Variants in GNPAT observed in about 807,000 individuals in gnomAD.
The protein encoded by GNPAT is dihydroxyacetone phosphate acyltransferase.
A neutral mutation model predicts 78.4 loss-of-function variants in GNPAT; 30 were observed. That is an observed-to-expected ratio of 0.38 (90% confidence interval 0.29 to 0.52). GNPAT has a LOEUF of 0.52. Ranked by LOEUF, GNPAT falls within the 20% of genes least tolerant of loss-of-function variation. The probability of loss-of-function intolerance (pLI) is 0.84; values close to 1 mark genes in which losing one functional copy is unlikely to be tolerated. For synonymous variants in GNPAT, 271 were observed against 281.1 expected (o/e 0.96, Z 0.36); for missense variants, 714 against 812.2 (o/e 0.88, Z 1.47).
chr1:231,274,976 G>GA, intron 12 of GNPAT: 1 of 435,124 alleles, frequency 2.3e-6, no homozygotes. Context: ...CTTGAAGTGA[G>GA]AAATTATACT....
intron 1 of GNPAT, among the ~76,000 whole-genome samples, chr1:231,242,705 T>G (rs989994211): frequency 1.3e-5 from 2 of 152,240 alleles, no homozygotes; most frequent in South Asian, 2.1e-4. Context: ...GTTTGTGAAT[T>G]GGTTGGAATT....
intron 3 of GNPAT, 84 bp from the exon 4 acceptor site, chr1:231,262,639 A>G (rs1019301484): frequency 1.0e-5 from 11 of 1,086,364 alleles, no homozygotes; most frequent in African/African-American, 3.1e-5. Flanking sequence ...CTAAATATAG[A>G]CTTATTCTTC....
chr1:231,261,899 T>C (rs1344678098), intron 3 of GNPAT, among the ~76,000 whole-genome samples: 1 of 152,234 alleles, frequency 6.6e-6, no homozygotes, highest in African/African-American at 2.4e-5. Flanking sequence ...AAATATTTCT[T>C]CTTCCTACTG....
chr1:231,267,143 A>G (rs762306766), intron 8 of GNPAT, among the ~76,000 whole-genome samples: 3 of 152,216 alleles, frequency 2.0e-5, no homozygotes, highest in Non-Finnish European at 4.4e-5. Flanking sequence ...TTTCACATTA[A>G]GCCACCTGTG....
rs1428484649 is a variant in GNPAT at position 231,275,415 on chromosome 1, A to G, written c.1854A>G (p.Gln618=). ...TSQLLDQGTS[Q]CYDVLSSDVQ... ...CACCCCCAATTTTAGGTACCTCTCA[A>G]TGTTATGATGTATTATCTTCTGATG... The change falls in exon 14 of 16, where the codon CAA becomes CAG. Residue 618 remains glutamine (Q), a synonymous_variant. Coordinates refer to ENST00000366647, the MANE Select transcript of GNPAT (RefSeq NM_014236.4). The G allele has an allele frequency of 3.7e-6, 6 of 1,607,942 alleles. No homozygotes were observed. The highest frequency in any genetic ancestry group is 3.3e-5 in the South Asian group (3 of 90,950).
At position 231,266,020 on chromosome 1, in the gene GNPAT, T is replaced by C; in HGVS notation, c.779T>C (p.Leu260Pro). The C allele has an allele frequency of 6.2e-7, 1 of 1,612,208 alleles. No homozygotes were observed. Among genetic ancestry groups the C allele is most frequent in the Admixed American group, 1.7e-5 (1 of 60,026 alleles). ...TTCTCCCTGTGTTTTGCAGGTCTTCTGAATATTGTGATGGAGCCATTTTTT... is the reference window on the plus strand; with the variant it reads ...TTCTCCCTGTGTTTTGCAGGTCTTCCGAATATTGTGATGGAGCCATTTTTT... ...AKTLTPKFGL[L>P]NIVMEPFFKR... Residue 260 changes from leucine to proline, a missense_variant, in exon 7 of 16, where the codon CTG becomes CCG. Physicochemically the swap from Leu to Pro is moderately conservative, Grantham distance 98. Transcript: ENST00000366647.
chr1:231,265,222 A>C (rs1162592963), intron 4 of GNPAT, 71 bp from the exon 5 acceptor site: 1 of 1,064,850 alleles, frequency 9.4e-7, no homozygotes, highest in East Asian at 2.4e-5. Flanking sequence ...ATGAAAAATA[A>C]GCATGTTTAA....
At chr1:231,249,395 T>C (rs1339474138) in intron 1 of GNPAT, among the ~76,000 whole-genome samples, 1 of 152,256 alleles carries the variant, frequency 6.6e-6, no homozygotes, top group Non-Finnish European at 1.5e-5. Context: ...TATATTCTTA[T>C]GCCAAATTGT....
intron 2 of GNPAT, among the ~76,000 whole-genome samples, chr1:231,253,643 A>G (rs778474278): frequency 3.9e-5 from 6 of 152,190 alleles, no homozygotes; most frequent in African/African-American, 7.2e-5. Flanking sequence ...CCTATTTCAT[A>G]AGTGAAGTCA....
chr1:231,262,208 T>C (rs953295830), intron 3 of GNPAT, among the ~76,000 whole-genome samples: 3 of 152,212 alleles, frequency 2.0e-5, no homozygotes, highest in Non-Finnish European at 4.4e-5. Context: ...CCTATGAATT[T>C]GTAGATTTTT....
In GNPAT at chr1:231,241,388, T is replaced by C; in HGVS notation, c.10T>C (p.Ser4Pro). The C allele has an allele frequency of 6.2e-7, 1 of 1,613,468 alleles. No homozygotes were observed. The highest frequency in any genetic ancestry group is 1.7e-5 in the Admixed American group (1 of 60,028). The stretch of plus-strand genomic sequence containing the variant: ...GGAAGGCAGCCGCACCATGGAGTCT[T>C]CCAGTTCATCTAACTCTTATTTCTC... Reference protein sequence around the residue: MESSSSSNSYFSVG... With the variant: MESPSSSNSYFSVG... Residue 4 changes from serine to proline, a missense_variant, in exon 1 of 16, where the codon TCC becomes CCC. Ser to Pro is a moderately conservative substitution (Grantham distance 74). Coordinates refer to ENST00000366647, the MANE Select transcript of GNPAT (RefSeq NM_014236.4).
chr1:231,245,351 C>A (rs1189534486), intron 1 of GNPAT, among the ~76,000 whole-genome samples: 1 of 152,058 alleles, frequency 6.6e-6, no homozygotes, highest in East Asian at 1.9e-4. Flanking sequence ...CTCAAGTGAT[C>A]CTCCCTCCTC....
intron 11 of GNPAT, among the ~76,000 whole-genome samples, chr1:231,273,425 A>C (rs1051561318): frequency 1.3e-5 from 2 of 151,484 alleles, no homozygotes; most frequent in South Asian, 4.2e-4. Flanking sequence ...CTAATTTTTT[A>C]TATTTTTAGT....
intron 9 of GNPAT, among the ~76,000 whole-genome samples, chr1:231,268,905 CAAA>C (rs34988391): frequency 7.4e-6 from 1 of 135,856 alleles, no homozygotes; most frequent in Non-Finnish European, 1.6e-5. Flanking sequence ...GATTCCGTCT[CAAA>C]AAAAAAAAAA....
chr1:231,243,448 C>T (rs927329459), intron 1 of GNPAT, among the ~76,000 whole-genome samples: 1 of 152,038 alleles, frequency 6.6e-6, no homozygotes, highest in East Asian at 1.9e-4. Context: ...CTCAGCCTCC[C>T]GAGTAGCTGG....
intron 3 of GNPAT, 25 bp downstream of exon 3, chr1:231,260,708 A>G (rs1685200429): frequency 7.1e-7 from 1 of 1,400,964 alleles, no homozygotes; most frequent in Admixed American, 1.7e-5. Context: ...TTAAAAAAAT[A>G]AAGAAATAAA....
intron 2 of GNPAT, among the ~76,000 whole-genome samples, chr1:231,256,612 A>G (rs1206247095): frequency 6.8e-6 from 1 of 146,106 alleles, no homozygotes; most frequent in East Asian, 2.1e-4. Flanking sequence ...TCAGCCTCCC[A>G]AGTAGCTGGG....
intron 2 of GNPAT, among the ~76,000 whole-genome samples, chr1:231,256,401 C>T (rs1285409131): frequency 6.6e-6 from 1 of 151,884 alleles, no homozygotes; most frequent in Non-Finnish European, 1.5e-5. Context: ...TTGACCAAAC[C>T]ACCACAAATC....
At chr1:231,260,768 C>G in intron 3 of GNPAT, 85 bp downstream of exon 3, 2 of 945,234 alleles carry the variant, frequency 2.1e-6, no homozygotes, top group Non-Finnish European at 3.3e-6. Context: ...TTTTTCAACC[C>G]CTCACAATTT....
Sources: allele counts gnomAD v4.1 joint callset (sites outside exome capture counted in the v4.1 genomes callset), GRCh38; gene constraint gnomAD v4.1.1; transcripts MANE v1.5; gene names NCBI Gene and HGNC (gene_info 2026-07-23, HGNC 2026-07-21).